Variants in WDPCP observed in about 807,000 individuals in gnomAD.
WDPCP encodes the protein WD repeat containing planar cell polarity effector.
A neutral mutation model predicts 93.1 loss-of-function variants in WDPCP; 71 were observed. The observed-to-expected ratio is 0.76, with a 90% CI of 0.63 to 0.93. The LOEUF is 0.93. WDPCP is among the 40% of genes least tolerant of loss of function. WDPCP has a pLI of 0.00. For missense variants in WDPCP, 844 were observed against 887.4 expected (o/e 0.95, Z 0.62); for synonymous variants, 315 against 315.0 (o/e 1.00, Z 0.00).
At chr2:63,195,523 A>G (rs1390703641) in intron 14 of WDPCP, among the ~76,000 whole-genome samples, 1 of 152,030 alleles carries the variant, frequency 6.6e-6, no homozygotes, top group East Asian at 1.9e-4. Flanking sequence ...GAGTGCAGTG[A>G]TCACAGATCA....
At chr2:63,798,044 G>A (rs1446455233) in intron 2 of WDPCP, among the ~76,000 whole-genome samples, 2 of 151,666 alleles carry the variant, frequency 1.3e-5, no homozygotes, top group African/African-American at 4.8e-5. Context: ...AAGTGCTGAA[G>A]GAAAAAAACT....
intron 2 of WDPCP, among the ~76,000 whole-genome samples, chr2:63,812,737 T>C (rs1384056992): frequency 6.6e-6 from 1 of 152,196 alleles, no homozygotes; most frequent in Non-Finnish European, 1.5e-5. Context: ...TCTAAATTTG[T>C]GGTAATTTGT....
intron 14 of WDPCP, among the ~76,000 whole-genome samples, chr2:63,183,421 T>G (rs905878780): frequency 6.6e-6 from 1 of 152,250 alleles, no homozygotes; most frequent in Non-Finnish European, 1.5e-5. Flanking sequence ...CCAATTTCCA[T>G]GTATTTGTAT....
At chr2:63,193,939 T>C (rs1362050032) in intron 14 of WDPCP, among the ~76,000 whole-genome samples, 1 of 152,218 alleles carries the variant, frequency 6.6e-6, no homozygotes, top group Non-Finnish European at 1.5e-5. Context: ...ATGAGCTTGC[T>C]GATTTATTTA....
chr2:63,825,082 A>C (rs568405048), intron 1 of WDPCP, among the ~76,000 whole-genome samples: 1 of 152,294 alleles, frequency 6.6e-6, no homozygotes, highest in Non-Finnish European at 1.5e-5. Context: ...TTTTAAAATT[A>C]CAAAAGAAAG....
chr2:63,789,737 T>G (rs139333775), intron 2 of WDPCP, among the ~76,000 whole-genome samples: 2 of 152,214 alleles, frequency 1.3e-5, no homozygotes, highest in African/African-American at 4.8e-5. Flanking sequence ...CTCCAAAGAG[T>G]ATGCAAATTA....
intron 1 of WDPCP, among the ~76,000 whole-genome samples, chr2:63,545,012 A>G (rs1390975210): frequency 6.6e-6 from 1 of 152,218 alleles, no homozygotes; most frequent in East Asian, 1.9e-4. Flanking sequence ...CTAAGAATTC[A>G]TAAAGTAAGC....
At chr2:63,706,664 C>T (rs1254145004) in intron 2 of WDPCP, among the ~76,000 whole-genome samples, 10 of 127,208 alleles carry the variant, frequency 7.9e-5, no homozygotes, top group South Asian at 2.5e-4. Context: ...GGCTGGACTG[C>T]GGACTGCAGT....
At chr2:63,135,907 A>AT (rs930673394) in intron 17 of WDPCP, among the ~76,000 whole-genome samples, 147 of 151,138 alleles carry the variant, frequency 9.7e-4, no homozygotes, top group African/African-American at 2.8e-3. Flanking sequence ...ATTAAAAAAA[A>AT]TTTTTTTTTA....
intron 2 of WDPCP, among the ~76,000 whole-genome samples, chr2:63,747,186 G>A (rs1669812016): frequency 6.6e-6 from 1 of 152,102 alleles, no homozygotes. Context: ...ATAGATGTTA[G>A]ATCTTAGTAA....
chr2:63,437,579 C>A, intron 7 of WDPCP, 25 bp from the exon 8 acceptor site: 2 of 1,551,378 alleles, frequency 1.3e-6, no homozygotes, highest in South Asian at 2.4e-5. Flanking sequence ...TAGATATTAC[C>A]AAGTTAGAAT....
chr2:63,791,738 T>C lies in WDPCP; in HGVS notation n.308+21884A>G, dbSNP rs985532873. On this transcript the variant is annotated intron_variant and non_coding_transcript_variant, in intron 2 of 4. Transcript: ENST00000467687. ...TCTCCATAATGTGTTGCATGGAGGA[T>C]AAAAGCAAAGATTTGGAACCTAACA... Among the ~76,000 whole-genome samples the C allele has an allele frequency of 9.4e-4, 143 of 152,176 alleles. 9 individuals are homozygous for C. Among genetic ancestry groups the C allele is most frequent in the Non-Finnish European group, 4.4e-5 (3 of 68,034 alleles).
chr2:63,354,268 T>C (rs1268749569), intron 12 of WDPCP, among the ~76,000 whole-genome samples: 7 of 152,150 alleles, frequency 4.6e-5, no homozygotes, highest in Admixed American at 3.9e-4. Context: ...CACTGAGTGA[T>C]TGCTGACCTG....
chr2:63,581,943 G>A (rs1708523091), intron 1 of WDPCP, among the ~76,000 whole-genome samples: 1 of 151,486 alleles, frequency 6.6e-6, no homozygotes. Context: ...AGGAGGTTGA[G>A]GCTGCACTGG....
rs558804883 is a variant in WDPCP, at chr2:63,807,217, G to C, written n.308+6405C>G. 7.2e-5 allele frequency among the ~76,000 whole-genome samples: 11 copies of C among 152,304 alleles called. No homozygotes were observed. The East Asian group carries it at 2.1e-3, about 29-fold the overall frequency. On this transcript the variant is annotated intron_variant and non_coding_transcript_variant, in intron 2 of 4. Coordinates refer to the WDPCP transcript ENST00000467687. ...CTCCGTCTGGGGTCCCTGACTTCCC[G>C]CAACAGTAATCCCCATTATTGGAGG...
At chr2:63,223,215 C>T (rs1332822213) in intron 14 of WDPCP, among the ~76,000 whole-genome samples, 1 of 152,108 alleles carries the variant, frequency 6.6e-6, no homozygotes, top group Non-Finnish European at 1.5e-5. Context: ...TCTATTCATA[C>T]TTGAATGTTG....
chr2:63,140,992 T>C (rs565877560), intron 17 of WDPCP, among the ~76,000 whole-genome samples: 1 of 152,338 alleles, frequency 6.6e-6, no homozygotes, highest in South Asian at 2.1e-4. Context: ...GTCCTTTGAA[T>C]GCTGATTTTG....
intron 17 of WDPCP, among the ~76,000 whole-genome samples, chr2:63,148,861 AAC>A (rs60091903): frequency 0.41 from 61,791 of 149,086 alleles, 13,325 homozygotes; most frequent in Admixed American, 0.54. Context: ...CACAGGAGCC[AAC>A]ACACACACAC....
intron 2 of WDPCP, among the ~76,000 whole-genome samples, chr2:63,761,304 C>T (rs1359577488): frequency 6.6e-6 from 1 of 152,120 alleles, no homozygotes; most frequent in Non-Finnish European, 1.5e-5. Context: ...AAGGTCCTTG[C>T]CGGATGCCAG....
Sources: allele counts gnomAD v4.1 joint callset (sites outside exome capture counted in the v4.1 genomes callset), GRCh38; gene constraint gnomAD v4.1.1; transcripts MANE v1.5; gene names NCBI Gene and HGNC (gene_info 2026-07-23, HGNC 2026-07-21).